The following DENND3 variants were observed in gnomAD, a reference collection of about 807,000 sequenced individuals.
The protein encoded by DENND3 is DENN domain containing 3, also known as DENN domain-containing protein 3.
In DENND3, 88 loss-of-function variants were observed where a neutral mutation model predicts 135.1. The ratio of observed to expected loss-of-function variants is 0.65; its 90% CI spans 0.55 to 0.78. The LOEUF is 0.78. Among genes scored for constraint, DENND3 ranks in the 30% least tolerant of loss-of-function variants. The pLI, the probability that DENND3 is intolerant of heterozygous loss-of-function variation, is 0.00. For synonymous variants in DENND3, 693 were observed against 712.3 expected (o/e 0.97, Z 0.43); for missense variants, 1,392 against 1,688.4 (o/e 0.82, Z 3.08).
chr8:141,149,258 ACAAGAAAG>A (rs1456664562), intron 5 of DENND3, among the ~76,000 whole-genome samples: 2 of 152,240 alleles, frequency 1.3e-5, no homozygotes, highest in Non-Finnish European at 2.9e-5. Flanking sequence ...CAAATTGGTA[ACAAGAAAG>A]CAAAGAGACC....
intron 22 of DENND3, chr8:141,192,997 C>G: frequency 1.0e-6 from 1 of 952,906 alleles, no homozygotes; most frequent in African/African-American, 1.7e-5. Context: ...TCGGGGGGAG[C>G]GTGCACTCCA....
At position 141,128,905 on chromosome 8, in the gene DENND3, C is replaced by A; in HGVS notation, c.102+96C>A. On this transcript the variant is annotated intron_variant, in intron 1 of 22. Coordinates refer to ENST00000519811, the MANE Select transcript of DENND3 (RefSeq NM_001352890.3). The surrounding 1 kb of genome is among the most constrained non-coding windows in gnomAD (Gnocchi z 4.5). ...CGCCCGGGTGCCCTGTGGGTTGGCG[C>A]GGACTTTCCGAGGGCTGAGTCCCGG... is the stretch of plus-strand genomic sequence containing the variant. The A allele has an allele frequency of 1.1e-6, 1 of 951,022 alleles. No homozygotes were observed. The highest frequency in any genetic ancestry group is 1.4e-6 in the Non-Finnish European group (1 of 707,690). The allele number at this position is 951,022 out of a possible 1,614,324, so 58.9% of individuals were successfully genotyped here.
intron 7 of DENND3, 110 bp from the exon 8 acceptor site, chr8:141,155,739 A>T: frequency 7.4e-7 from 1 of 1,351,222 alleles, no homozygotes; most frequent in Non-Finnish European, 9.9e-7. Context: ...TCATTTAATT[A>T]ATGATGACAC....
intron 13 of DENND3, among the ~76,000 whole-genome samples, chr8:141,170,543 G>A (rs559374297): frequency 6.6e-6 from 1 of 152,320 alleles, no homozygotes; most frequent in South Asian, 2.1e-4. Flanking sequence ...CCATCAGATC[G>A]TGGCCTCACT....
In DENND3 at chr8:141,190,402, G is replaced by T. The variant is rs1443805758; in HGVS notation, c.3364G>T (p.Gly1122Cys). ...CCTGACGTCCATCAGACTGCACGGC[G>T]GCCGCCTGTGGTGCTGTAAGTCCGG... ...GGLTSIRLHG[G>C]RLWCCTGNSI... Residue 1122 changes from glycine to cysteine, a missense_variant, in exon 20 of 23, where the codon GGC becomes TGC. By Grantham distance (159) the Gly-to-Cys change is radical. Transcript: ENST00000519811. The T allele has an allele frequency of 6.2e-7, 1 of 1,609,364 alleles. No individual in the cohort carries two copies. The highest frequency in any genetic ancestry group is 1.1e-5 in the South Asian group (1 of 90,290).
At chr8:141,172,941 C>A (rs574247264) in intron 13 of DENND3, among the ~76,000 whole-genome samples, 16 of 121,546 alleles carry the variant, frequency 1.3e-4, no homozygotes, top group African/African-American at 5.1e-4. Context: ...GAAAGAAATA[C>A]ATAAAATAAA....
At chr8:141,189,706 T>C (rs1824431610) in intron 19 of DENND3, among the ~76,000 whole-genome samples, 1 of 152,030 alleles carries the variant, frequency 6.6e-6, no homozygotes, top group Admixed American at 6.6e-5. Flanking sequence ...CTTTTTCCCC[T>C]GACTTAGTGT....
Position 141,194,206 on chromosome 8 carries a change from G to A in DENND3, c.3810G>A (p.Gly1270=). ...YVLSGSGREE[G]KVAIWKGE Reference sequence around the variant, plus strand: ...TGAGTGGGTCGGGCAGGGAGGAGGGGAAAGTCGCCATTTGGAAAGGCGAAT... The same window carrying A: ...TGAGTGGGTCGGGCAGGGAGGAGGGAAAAGTCGCCATTTGGAAAGGCGAAT... Residue 1270 remains glycine, a synonymous_variant, in exon 23 of 23, where the codon GGG becomes GGA. Coordinates refer to ENST00000519811, the MANE Select transcript of DENND3 (RefSeq NM_001352890.3). 1 of 1,613,192 alleles carries A rather than the reference G, an allele frequency of 6.2e-7. No homozygotes were observed.
At chr8:141,177,136 G>C (rs1463352030) in intron 15 of DENND3, 1 of 196,750 alleles carries the variant, frequency 5.1e-6, no homozygotes, top group East Asian at 1.4e-4. Flanking sequence ...TGCTCTGAGC[G>C]ACTCTTCACA....
chr8:141,145,709 A>G (rs1279346491), intron 5 of DENND3, among the ~76,000 whole-genome samples: 1 of 151,468 alleles, frequency 6.6e-6, no homozygotes, highest in Non-Finnish European at 1.5e-5. Flanking sequence ...CTCCCTATGC[A>G]GATAATACAT....
intron 8 of DENND3, among the ~76,000 whole-genome samples, chr8:141,158,880 A>G (rs541616061): frequency 6.6e-6 from 1 of 152,176 alleles, no homozygotes; most frequent in Non-Finnish European, 1.5e-5. Context: ...GGGAGAGGGG[A>G]TGGCCATCTC....
At position 141,194,262 on chromosome 8, in the gene DENND3, T is replaced by C; in HGVS notation, c.*29T>C. 1 of 1,602,942 alleles carries C rather than the reference T, an allele frequency of 6.2e-7. No individual in the cohort carries two copies. Among genetic ancestry groups the C allele is most frequent in the Middle Eastern group, 1.7e-4 (1 of 5,998 alleles). On this transcript the variant is annotated 3_prime_UTR_variant, in exon 23 of 23. Transcript: ENST00000519811. ...TGGCTGAGTCTGCCAAGTGGAACTG[T>C]GCCCTATGTGTGGGGACTGGCTGCC...
intron 1 of DENND3, among the ~76,000 whole-genome samples, chr8:141,132,921 A>T (rs1816304989): frequency 6.6e-6 from 1 of 152,202 alleles, no homozygotes; most frequent in African/African-American, 2.4e-5. Context: ...ATGAGGAACG[A>T]TATCGCCTCA....
chr8:141,180,689 C>A, intron 16 of DENND3, 58 bp from the exon 17 acceptor site: 1 of 1,485,158 alleles, frequency 6.7e-7, no homozygotes, highest in Non-Finnish European at 9.3e-7. Context: ...GAGGCCGTTG[C>A]ATCGCGTCTG....
At chr8:141,142,311 A>G (rs748451442) in intron 4 of DENND3, 1 of 448,508 alleles carries the variant, frequency 2.2e-6, no homozygotes, top group African/African-American at 2.0e-5. Context: ...CCGAGGAGAA[A>G]GCAGTTAACA....
Position 141,167,847 on chromosome 8 carries a change from G to C in DENND3, c.1754-157G>C, listed in dbSNP as rs918834117. Among the ~76,000 whole-genome samples the C allele has an allele frequency of 2.6e-5, 4 of 152,174 alleles. No homozygotes were observed. The highest frequency in any genetic ancestry group is 7.2e-5 in the African/African-American group (3 of 41,446). On this transcript the variant is annotated intron_variant, in intron 12 of 22. Transcript: ENST00000519811. This position sits in a 1 kb window ranked among gnomAD's most constrained non-coding sequence, Gnocchi z 4.1. ...GTGAGGGTTCTCTCATGCCTCCCAGGGGGGTGGGTGTGTGGAGCTTTCTGG... is the reference window on the plus strand; with the variant it reads ...GTGAGGGTTCTCTCATGCCTCCCAGCGGGGTGGGTGTGTGGAGCTTTCTGG...
At chr8:141,179,838 A>G (rs1396685618) in intron 16 of DENND3, among the ~76,000 whole-genome samples, 8 of 152,328 alleles carry the variant, frequency 5.3e-5, no homozygotes, top group Non-Finnish European at 1.2e-4. Flanking sequence ...TTGCTATGAC[A>G]GTAACAAAAT....
At chr8:141,136,381 A>C in intron 1 of DENND3, 128 bp from the exon 2 acceptor site, 1 of 997,224 alleles carries the variant, frequency 1.0e-6, no homozygotes, top group Middle Eastern at 2.8e-4. Flanking sequence ...TACTGTTAGG[A>C]GCCTGAGGCG....
rs745388733 is a variant in DENND3, at chr8:141,185,184, T to G, written c.2990T>G (p.Leu997Ter). The G allele has an allele frequency of 6.2e-7, 1 of 1,614,136 alleles. No individual in the cohort carries two copies. The highest frequency in any genetic ancestry group is 8.5e-7 in the Non-Finnish European group (1 of 1,179,992). ...AAAGTTGAAGATGCTCACCCCAAGT[T>G]ATGGTGTGCTCTGAGCGAAGGCAAG... ...AEKVEDAHPK[L>*]WCALSEGKVT... The change falls in exon 18 of 23, where the codon TTA becomes TGA. Residue 997 changes from leucine to a stop codon, truncating the protein, a stop_gained. Coordinates refer to ENST00000519811, the MANE Select transcript of DENND3 (RefSeq NM_001352890.3). LOFTEE classifies it high-confidence loss of function.
Sources: gnomAD v4.1 joint callset for allele counts (sites outside exome capture counted in the v4.1 genomes callset) on GRCh38, gnomAD v4.1.1 for gene constraint, Gnocchi (gnomAD v3.1) non-coding constraint, MANE v1.5 for transcripts, NCBI Gene and HGNC (gene_info 2026-07-23, HGNC 2026-07-21) for gene names.